NARS2: variants seen among roughly 807,000 people sequenced by gnomAD.
NARS2 encodes asparaginyl-tRNA synthetase 2, mitochondrial.
Under a neutral mutation model 62.9 loss-of-function variants are expected in NARS2, and 60 were observed. The ratio of observed to expected loss-of-function variants is 0.95; its 90% CI spans 0.77 to 1.18. NARS2 has a LOEUF of 1.18. NARS2 is among the 50% of genes most tolerant of loss of function. NARS2 has a pLI of 0.00. For missense variants in NARS2, 619 were observed against 576.4 expected (o/e 1.07, Z -0.76); for synonymous variants, 196 against 200.0 (o/e 0.98, Z 0.17).
chr11:78,488,668 T>C (rs770182168), intron 7 of NARS2, among the ~76,000 whole-genome samples: 23 of 152,190 alleles, frequency 1.5e-4, no homozygotes, highest in Non-Finnish European at 2.6e-4. Context: ...TTGTAATGCA[T>C]ATGGCAACTA....
At chr11:78,562,067 CAT>C (rs1230209832) in intron 4 of NARS2, among the ~76,000 whole-genome samples, 2 of 149,874 alleles carry the variant, frequency 1.3e-5, no homozygotes, top group African/African-American at 5.0e-5. Flanking sequence ...AAACAAAAAA[CAT>C]AAACAGCAGT....
At chr11:78,489,497 G>A (rs1859726194) in intron 7 of NARS2, among the ~76,000 whole-genome samples, 2 of 152,162 alleles carry the variant, frequency 1.3e-5, no homozygotes, top group African/African-American at 4.8e-5. Context: ...TGGTAGGAAT[G>A]CAAAATGGAA....
At chr11:78,571,211 TATTAAAGCAG>T in intron 2 of NARS2, 114 bp downstream of exon 2, 2 of 626,984 alleles carry the variant, frequency 3.2e-6, no homozygotes, top group Non-Finnish European at 5.8e-6. Context: ...TCCTCAAAGC[TATTAAAGCAG>T]ATCTGTTTCA....
intron 5 of NARS2, among the ~76,000 whole-genome samples, chr11:78,554,500 C>CGTGT (rs569858075): frequency 2.4e-5 from 1 of 42,498 alleles, no homozygotes; most frequent in Non-Finnish European, 8.9e-5. Context: ...TATTCCTAGG[C>CGTGT]GTGTGTGCGT....
chr11:78,565,645 G>C (rs1362040911), intron 4 of NARS2, among the ~76,000 whole-genome samples: 2 of 152,202 alleles, frequency 1.3e-5, no homozygotes, highest in East Asian at 3.8e-4. Context: ...AGGTAGATCA[G>C]TGCATTTGTG....
chr11:78,505,060 T>TAA (rs1234952046), intron 6 of NARS2, among the ~76,000 whole-genome samples: 4 of 140,712 alleles, frequency 2.8e-5, no homozygotes, highest in Admixed American at 7.1e-5. Flanking sequence ...AATTTTGACT[T>TAA]AAAAAAAAAA....
intron 6 of NARS2, among the ~76,000 whole-genome samples, chr11:78,517,475 T>C (rs985546412): frequency 6.6e-6 from 1 of 152,226 alleles, no homozygotes; most frequent in Non-Finnish European, 1.5e-5. Context: ...CTCGTATTCA[T>C]CCAGGTTTTT....
intron 5 of NARS2, among the ~76,000 whole-genome samples, chr11:78,534,500 G>A (rs1861597965): frequency 6.6e-6 from 1 of 152,158 alleles, no homozygotes. Flanking sequence ...GAAACATGGG[G>A]AATGTTCTGT....
chr11:78,476,888 C>G (rs2135258334), intron 9 of NARS2, among the ~76,000 whole-genome samples: 1 of 152,292 alleles, frequency 6.6e-6, no homozygotes, highest in East Asian at 1.9e-4. Context: ...ATGAAAATCT[C>G]AGGTTAAAAG....
intron 7 of NARS2, 120 bp downstream of exon 7, chr11:78,492,943 G>A (rs556926301): frequency 6.3e-6 from 5 of 794,040 alleles, no homozygotes; most frequent in African/African-American, 5.2e-5. Flanking sequence ...TGTTTATTAA[G>A]TAGTTACCCC....
chr11:78,466,696 T>C (rs1858638304), intron 10 of NARS2, among the ~76,000 whole-genome samples: 1 of 152,184 alleles, frequency 6.6e-6, no homozygotes, highest in Admixed American at 6.5e-5. Flanking sequence ...TTGGCCAGGC[T>C]GGTCTTGAAC....
rs532800319 is a variant in NARS2, at chr11:78,478,644, G to C, written c.862C>G (p.Leu288Val). ...TCAACATCTTCAGGACATTTTGAGA[G>C]AACCATCATTGTTGTAGCCTTGAAC... Reference protein sequence around the residue: ...ELFKATTMMVLSKCPEDVELC... With the variant: ...ELFKATTMMVVSKCPEDVELC... Residue 288 changes from leucine to valine, a missense_variant, in exon 8 of 14, where the codon CTC (leucine) becomes GTC (valine). By Grantham distance (32) the Leu-to-Val change is conservative. Transcript: ENST00000281038. 6 of 1,611,968 alleles carry C rather than the reference G, an allele frequency of 3.7e-6. No individual in the cohort carries two copies. In the South Asian group the frequency reaches 5.5e-5, roughly 15 times the overall value.
At chr11:78,468,935 A>G (rs1858749298) in intron 10 of NARS2, among the ~76,000 whole-genome samples, 2 of 151,840 alleles carry the variant, frequency 1.3e-5, no homozygotes, top group Admixed American at 1.3e-4. Flanking sequence ...CCTGGTCTCT[A>G]CAGTAATAGT....
At chr11:78,541,425 G>A (rs1269094891) in intron 5 of NARS2, among the ~76,000 whole-genome samples, 4 of 151,216 alleles carry the variant, frequency 2.6e-5, no homozygotes, top group African/African-American at 4.9e-5. Flanking sequence ...TCTGCCTTCC[G>A]ATGGGACTAC....
chr11:78,496,173 G>C (rs555070951), intron 6 of NARS2, among the ~76,000 whole-genome samples: 3 of 152,128 alleles, frequency 2.0e-5, no homozygotes, highest in African/African-American at 4.8e-5. Flanking sequence ...GAAAAATTGC[G>C]TAAGAAAGCA....
In NARS2 at chr11:78,514,177, C is replaced by T. The variant is rs112310393; in HGVS notation, c.689+14665G>A. On this transcript the variant is annotated intron_variant, in intron 6 of 13. Transcript: ENST00000281038. The stretch of plus-strand genomic sequence containing the variant: ...TCACTCTGTCACCCAGGCTGGAGTT[C>T]AGTGGCACGATCTCTGTTCACTGCA... Among the ~76,000 whole-genome samples, 1,319 of 152,276 alleles carry T rather than the reference C, an allele frequency of 8.7e-3. 28 individuals carry two copies. The highest frequency in any genetic ancestry group is 0.031 in the African/African-American group (1,268 of 41,538).
At chr11:78,566,015 A>C in intron 4 of NARS2, 117 bp downstream of exon 4, 1 of 807,480 alleles carries the variant, frequency 1.2e-6, no homozygotes, top group South Asian at 2.2e-5. Flanking sequence ...TGAAGAGACC[A>C]ATCAAAACTA....
intron 7 of NARS2, among the ~76,000 whole-genome samples, chr11:78,483,873 G>C (rs532674483): frequency 6.6e-6 from 1 of 151,964 alleles, no homozygotes; most frequent in East Asian, 1.9e-4. Context: ...ACTTTCTTCA[G>C]AATTAGAAAA....
intron 9 of NARS2, among the ~76,000 whole-genome samples, chr11:78,476,948 T>G (rs1859125160): frequency 6.6e-6 from 1 of 152,186 alleles, no homozygotes; most frequent in African/African-American, 2.4e-5. Context: ...CATTTCATCT[T>G]TTACTCAACC....
Sources: gnomAD v4.1 joint callset for allele counts (sites outside exome capture counted in the v4.1 genomes callset) on GRCh38, gnomAD v4.1.1 for gene constraint, MANE v1.5 for transcripts, NCBI Gene and HGNC (gene_info 2026-07-23, HGNC 2026-07-21) for gene names.